The following SPAG6 variants were observed in gnomAD, a reference collection of about 807,000 sequenced individuals.
SPAG6 encodes the protein sperm associated antigen 6, also known as sperm-associated antigen 6.
Under a neutral mutation model 58.5 loss-of-function variants are expected in SPAG6, and 49 were observed. That is an observed-to-expected ratio of 0.84 (90% confidence interval 0.67 to 1.06). The LOEUF (loss-of-function observed/expected upper bound fraction) is 1.06, where lower values mean the gene tolerates loss of function less well. SPAG6 is among the 50% of genes least tolerant of loss of function. The pLI, the probability that SPAG6 is intolerant of heterozygous loss-of-function variation, is 0.00. For synonymous variants in SPAG6, 233 were observed against 225.6 expected (o/e 1.03, Z -0.29); for missense variants, 560 against 611.3 (o/e 0.92, Z 0.89).
chr10:22,379,556 C>A (rs113652496), intron 4 of SPAG6, among the ~76,000 whole-genome samples: 164 of 152,288 alleles, frequency 1.1e-3, no homozygotes, highest in African/African-American at 3.7e-3. Context: ...TTCCCTTTAA[C>A]CCTCCCACGA....
chr10:22,366,463 T>C (rs1254016181), intron 3 of SPAG6, among the ~76,000 whole-genome samples: 1 of 152,204 alleles, frequency 6.6e-6, no homozygotes, highest in Non-Finnish European at 1.5e-5. Context: ...GGGTTGATGA[T>C]AATAGTCTAG....
At chr10:22,361,056 C>A (rs1837022411) in intron 2 of SPAG6, 3 of 465,846 alleles carry the variant, frequency 6.4e-6, no homozygotes, top group African/African-American at 2.0e-5. Flanking sequence ...CACATGGGGA[C>A]TGATAATTAT....
intron 4 of SPAG6, among the ~76,000 whole-genome samples, chr10:22,369,468 A>G (rs148601088): frequency 4.6e-4 from 70 of 152,340 alleles, no homozygotes; most frequent in African/African-American, 1.5e-3. Context: ...ATACGAAAAC[A>G]TCAATGAAGA....
At chr10:22,410,165 CTG>C (rs2130642707) in intron 9 of SPAG6, among the ~76,000 whole-genome samples, 1 of 152,258 alleles carries the variant, frequency 6.6e-6, no homozygotes, top group Admixed American at 6.5e-5. Flanking sequence ...TTCTGATCTT[CTG>C]TCTCTCTAAC....
intron 10 of SPAG6, among the ~76,000 whole-genome samples, chr10:22,413,271 T>C (rs1417540108): frequency 6.6e-6 from 1 of 151,810 alleles, no homozygotes; most frequent in Non-Finnish European, 1.5e-5. Context: ...CAGTGGCTCA[T>C]GCCTGTAATC....
intron 5 of SPAG6, 62 bp from the exon 6 acceptor site, chr10:22,387,761 C>A (rs1834101047): frequency 3.3e-6 from 5 of 1,497,718 alleles, no homozygotes; most frequent in Non-Finnish European, 4.5e-6. Context: ...TACATTACAT[C>A]TGAACTCTGT....
At chr10:22,368,791 T>C (rs1459361695) in intron 4 of SPAG6, 113 bp downstream of exon 4, 3 of 746,536 alleles carry the variant, frequency 4.0e-6, no homozygotes, top group Admixed American at 3.0e-5. Flanking sequence ...ATGATGTTTC[T>C]GTATGTGATG....
intron 9 of SPAG6, among the ~76,000 whole-genome samples, chr10:22,406,093 T>A (rs1476460861): frequency 6.6e-6 from 1 of 152,250 alleles, no homozygotes; most frequent in Non-Finnish European, 1.5e-5. Context: ...AACCAGCTCC[T>A]GGATTCGTTA....
chr10:22,398,563 C>T (rs1013918304), intron 8 of SPAG6, among the ~76,000 whole-genome samples: 2 of 152,040 alleles, frequency 1.3e-5, no homozygotes, highest in African/African-American at 4.8e-5. Flanking sequence ...CCTATCTCTA[C>T]AAAAAACAAA....
chr10:22,346,439 CT>C (rs1836536418), intron 2 of SPAG6, among the ~76,000 whole-genome samples: 53 of 126,166 alleles, frequency 4.2e-4, no homozygotes, highest in Non-Finnish European at 7.0e-4. Context: ...GGTTCTTCTT[CT>C]TCTTCTTCTT....
At chr10:22,379,951 T>C (rs556500006) in intron 4 of SPAG6, among the ~76,000 whole-genome samples, 1 of 151,792 alleles carries the variant, frequency 6.6e-6, no homozygotes, top group Admixed American at 6.6e-5. Flanking sequence ...CGTGCCACCA[T>C]GTCCAGCTAA....
intron 10 of SPAG6, among the ~76,000 whole-genome samples, chr10:22,414,948 C>T (rs1264042154): frequency 1.3e-5 from 2 of 152,006 alleles, no homozygotes; most frequent in Non-Finnish European, 2.9e-5. Context: ...GTATTTTTAG[C>T]ACGGACGAGG....
chr10:22,398,437 C>CA (rs1367927554), intron 8 of SPAG6, among the ~76,000 whole-genome samples: 2 of 152,162 alleles, frequency 1.3e-5, no homozygotes, highest in African/African-American at 4.8e-5. Flanking sequence ...CTTCAAAAGA[C>CA]ACCATTAAGC....
chr10:22,373,309 C>G (rs146381768), intron 4 of SPAG6, among the ~76,000 whole-genome samples: 87 of 152,228 alleles, frequency 5.7e-4, no homozygotes, highest in African/African-American at 2.0e-3. Flanking sequence ...CGATTGTTTT[C>G]TATCTTGTAT....
In SPAG6 at chr10:22,345,526, G is replaced by T. The variant is rs1836492529; in HGVS notation, c.-86G>T. ...AGCGGCTCCCGTCGGAGGCCGAGTC[G>T]TCGCCACGATCGCCCCCTTGGTGGA... is the stretch of plus-strand genomic sequence containing the variant. On this transcript the variant is annotated 5_prime_UTR_variant, in exon 1 of 11. Coordinates refer to ENST00000376624, the MANE Select transcript of SPAG6 (RefSeq NM_012443.4). The surrounding 1 kb of genome is among the most constrained non-coding windows in gnomAD (Gnocchi z 6.3). 9 of 1,206,276 alleles carry T rather than the reference G, an allele frequency of 7.5e-6. No homozygotes were observed. Among genetic ancestry groups the T allele is most frequent in the East Asian group, 2.7e-5 (1 of 37,034 alleles). The allele number at this position is 1,206,276 out of a possible 1,614,324, so 74.7% of individuals were successfully genotyped here. A position where few individuals can be genotyped will look rare whatever the true frequency, so the allele number is the denominator to read the frequency against.
At chr10:22,360,098 A>G (rs971107125) in intron 2 of SPAG6, among the ~76,000 whole-genome samples, 6 of 152,176 alleles carry the variant, frequency 3.9e-5, no homozygotes, top group Non-Finnish European at 8.8e-5. Context: ...GTTATAACAA[A>G]TTAAATGAAA....
At chr10:22,393,939 T>C (rs115474280) in intron 8 of SPAG6, among the ~76,000 whole-genome samples, 2,362 of 152,296 alleles carry the variant, frequency 0.016, 46 homozygotes, top group African/African-American at 0.053. Context: ...ATGTTGAAGT[T>C]CATTTTGTCC....
intron 4 of SPAG6, among the ~76,000 whole-genome samples, chr10:22,381,205 C>G (rs915436641): frequency 3.9e-5 from 6 of 152,040 alleles, no homozygotes; most frequent in South Asian, 4.2e-4. Context: ...GAAAGCCCCC[C>G]ACAGGCTGTT....
intron 10 of SPAG6, among the ~76,000 whole-genome samples, chr10:22,413,501 C>G (rs1005772628): frequency 6.6e-6 from 1 of 151,746 alleles, no homozygotes; most frequent in African/African-American, 2.4e-5. Context: ...CCACTGCACT[C>G]CGGCCTGGGT....
Sources: gnomAD v4.1 joint callset for allele counts (sites outside exome capture counted in the v4.1 genomes callset) on GRCh38, gnomAD v4.1.1 for gene constraint, Gnocchi (gnomAD v3.1) non-coding constraint, MANE v1.5 for transcripts, NCBI Gene and HGNC (gene_info 2026-07-23, HGNC 2026-07-21) for gene names.